Variants in MPDZ observed in about 807,000 individuals in gnomAD.
MPDZ encodes the protein multiple PDZ domain protein.
Under a neutral mutation model 239.1 loss-of-function variants are expected in MPDZ, and 234 were observed. The ratio of observed to expected loss-of-function variants is 0.98; its 90% CI spans 0.88 to 1.09. The LOEUF (loss-of-function observed/expected upper bound fraction) is 1.09. Among genes scored for constraint, MPDZ ranks in the 50% least tolerant of loss-of-function variants. The pLI, the probability that MPDZ is intolerant of heterozygous loss-of-function variation, is 0.00. For missense variants in MPDZ, 3,175 were observed against 2,510.0 expected, an observed-to-expected ratio of 1.26 and a Z score of -5.66; for synonymous variants, 1,048 against 881.3, an observed-to-expected ratio of 1.19 and a Z score of -3.35.
chr9:13,246,919 T>C (rs984408331), intron 3 of MPDZ, among the ~76,000 whole-genome samples: 1 of 152,250 alleles, frequency 6.6e-6, no homozygotes, highest in Non-Finnish European at 1.5e-5. Context: ...TTTTAAAGCA[T>C]AGAAATGGTG....
chr9:13,236,560 C>T (rs982388907), intron 3 of MPDZ, among the ~76,000 whole-genome samples: 5 of 151,578 alleles, frequency 3.3e-5, no homozygotes, highest in Admixed American at 6.6e-5. Flanking sequence ...GGATTACAGG[C>T]GTGAGCCACT....
chr9:13,278,654 G>C (rs1028399705), intron 1 of MPDZ, among the ~76,000 whole-genome samples: 32 of 152,286 alleles, frequency 2.1e-4, no homozygotes, highest in African/African-American at 7.5e-4. Flanking sequence ...ATCAGCGCGG[G>C]GGGTGAGGAG....
Position 13,123,958 on chromosome 9 carries a change from T to G in MPDZ, c.4808-660A>C, listed in dbSNP as rs532563918. On this transcript the variant is annotated intron_variant, in intron 35 of 46. Transcript: ENST00000319217. ...ATGTTCAGAAATGAATAGATAAGAA[T>G]AGATTATGAGAAAAGGGGAATATAA... Among the ~76,000 whole-genome samples the G allele has an allele frequency of 5.9e-5, 9 of 152,320 alleles. No homozygotes were observed. In the South Asian group the frequency reaches 6.2e-4, roughly 11 times the overall value.
intron 10 of MPDZ, among the ~76,000 whole-genome samples, chr9:13,209,032 A>G (rs1033384296): frequency 3.3e-5 from 5 of 152,160 alleles, no homozygotes; most frequent in African/African-American, 1.2e-4. Flanking sequence ...TGGTCTGCGC[A>G]TGGCCAGATC....
chr9:13,201,936 C>T lies in MPDZ; in HGVS notation c.1546+3100G>A, dbSNP rs1016046467. Among the ~76,000 whole-genome samples, 6 of 152,206 alleles carry T rather than the reference C, an allele frequency of 3.9e-5. No homozygotes were observed. In the South Asian group the frequency reaches 1.0e-3, roughly 26 times the overall value. On this transcript the variant is annotated intron_variant, in intron 12 of 46. Transcript: ENST00000319217. ...ACAGGATTATTCTGAATTTTCTGTA[C>T]AACATTTCATAGATCTTCAATTCTT... is the stretch of plus-strand genomic sequence containing the variant.
rs112154590 is a variant in MPDZ, at chr9:13,203,435, C to A, written c.1546+1601G>T. On this transcript the variant is annotated intron_variant, in intron 12 of 46. Transcript: ENST00000319217. ...CAATTCATATTCAACCAACCTTTAG[C>A]AGAACAACTCTCCATTCTCACCTTC... is the stretch of plus-strand genomic sequence containing the variant. Among the ~76,000 whole-genome samples, 766 of 152,234 alleles carry A rather than the reference C, an allele frequency of 5.0e-3. 6 individuals carry two copies. Among genetic ancestry groups the A allele is most frequent in the African/African-American group, 0.018 (735 of 41,558 alleles).
At chr9:13,198,056 T>C (rs1169453313) in intron 12 of MPDZ, among the ~76,000 whole-genome samples, 1 of 152,128 alleles carries the variant, frequency 6.6e-6, no homozygotes, top group Non-Finnish European at 1.5e-5. Context: ...GCAATGAACA[T>C]AGGGGTACGG....
intron 25 of MPDZ, among the ~76,000 whole-genome samples, chr9:13,149,969 CT>C (rs1438701872): frequency 6.6e-6 from 1 of 151,448 alleles, no homozygotes; most frequent in Non-Finnish European, 1.5e-5. Context: ...CTAAAAAAGA[CT>C]CACTTGGAAA....
rs544590605 is a variant in MPDZ at position 13,147,565 on chromosome 9, T to A, written c.3724A>T (p.Ile1242Phe). 6.2e-7 allele frequency: 1 copy of A among 1,612,040 alleles called. No individual in the cohort carries two copies. The highest frequency in any genetic ancestry group is 1.3e-5 in the African/African-American group (1 of 74,920). Residue 1242 changes from isoleucine (I) to phenylalanine (F), a missense_variant, in exon 26 of 47, where the codon ATT (isoleucine) becomes TTT (phenylalanine). Transcript: ENST00000319217. ...TCGCTTACCCTTGGTCTGTTTATAATGCTCTGTACCATAAAGACTACAGGG... is the reference window on the plus strand; with the variant it reads ...TCGCTTACCCTTGGTCTGTTTATAAAGCTCTGTACCATAAAGACTACAGGG... ...GNPVVFMVQS[I>F]INRPRKSPLP... is the part of the protein sequence containing the mutation.
Position 13,222,111 on chromosome 9 carries a change from A to T in MPDZ, c.747+122T>A, listed in dbSNP as rs1163736883. The T allele has an allele frequency of 1.9e-5, 13 of 672,206 alleles. No homozygotes were observed. The East Asian group carries it at 3.4e-4, about 18-fold the overall frequency. The allele number at this position is 672,206 out of a possible 1,614,324, so 41.6% of individuals were successfully genotyped here. On this transcript the variant is annotated intron_variant, in intron 6 of 46. Transcript: ENST00000319217. ...CAAATATTCCAGGCTGGGGAAAAAT[A>T]AAAGAATAGTCAGACAAAAACTCAA...
intron 19 of MPDZ, 90 bp from the exon 20 acceptor site, chr9:13,176,507 T>C: frequency 9.6e-7 from 1 of 1,042,412 alleles, no homozygotes; most frequent in Non-Finnish European, 1.3e-6. Context: ...GAACAACTAT[T>C]TAGTGAAATG....
In MPDZ at chr9:13,206,107, TAAA is replaced by T. The variant is rs368811859; in HGVS notation, c.1291-11_1291-9del. The T allele has an allele frequency of 3.6e-4, 510 of 1,407,620 alleles. No homozygotes were observed. Among genetic ancestry groups the T allele is most frequent in the Admixed American group, 1.0e-3 (40 of 39,532 alleles). 87.2% of individuals were successfully genotyped at this position (1,407,620 alleles called of 1,614,324 possible). On this transcript the variant is annotated splice_polypyrimidine_tract_variant and intron_variant, in intron 10 of 46. Coordinates refer to ENST00000319217, the MANE Select transcript of MPDZ (RefSeq NM_001378778.1). ...AAGGTTTGTGCCATCTACCTGTGATTAAAAAAAAAAAAAAGCATGTTACATGTT... is the reference window on the plus strand; with the variant it reads ...AAGGTTTGTGCCATCTACCTGTGATTAAAAAAAAAAAGCATGTTACATGTT...
chr9:13,163,513 C>T (rs1027314722), intron 22 of MPDZ, among the ~76,000 whole-genome samples: 3 of 152,136 alleles, frequency 2.0e-5, no homozygotes, highest in Admixed American at 6.6e-5. Context: ...GATGCTGACT[C>T]CTGCTGTAAT....
chr9:13,217,277 C>A lies in MPDZ; in HGVS notation c.1104G>T (p.Gln368His). 6.3e-7 allele frequency: 1 copy of A among 1,594,606 alleles called. No homozygotes were observed. Among genetic ancestry groups the A allele is most frequent in the Non-Finnish European group, 8.6e-7 (1 of 1,168,760 alleles). Residue 368 changes from glutamine to histidine, a missense_variant, in exon 9 of 47, where the codon CAG (glutamine) becomes CAT (histidine). Transcript: ENST00000319217. ...TPELRVDAST[Q>H]KGEESETFDV... Reference sequence around the variant, plus strand: ...CAAATGTCTCACTTTCTTCACCTTTCTGAGTAGAAGCATCAACCTAAAATA... The same window carrying A: ...CAAATGTCTCACTTTCTTCACCTTTATGAGTAGAAGCATCAACCTAAAATA...
At chr9:13,207,057 G>T (rs1269071005) in intron 10 of MPDZ, among the ~76,000 whole-genome samples, 2 of 152,044 alleles carry the variant, frequency 1.3e-5, no homozygotes, top group African/African-American at 4.8e-5. Context: ...GAACTATGCA[G>T]GATTAAAAGG....
At chr9:13,224,946 C>T (rs1960052995) in intron 3 of MPDZ, among the ~76,000 whole-genome samples, 1 of 152,118 alleles carries the variant, frequency 6.6e-6, no homozygotes, top group African/African-American at 2.4e-5. Context: ...TTTCCCCTCT[C>T]AGAATTTCCT....
rs1956933459 is a variant in MPDZ at position 13,205,915 on chromosome 9, C to T, written c.1474+1G>A. ...TAAAAACCAGATTAACATAGGATTA[C>T]CTTTGATTATGCTGGCATTAACAGG... On this transcript the variant is annotated splice_donor_variant, in intron 11 of 46. Transcript: ENST00000319217. LOFTEE classifies it high-confidence loss of function. 1.3e-6 allele frequency: 2 copies of T among 1,584,102 alleles called. No homozygotes were observed. Among genetic ancestry groups the T allele is most frequent in the African/African-American group, 1.4e-5 (1 of 73,568 alleles).
intron 1 of MPDZ, among the ~76,000 whole-genome samples, chr9:13,263,029 T>G (rs547215713): frequency 3.9e-5 from 6 of 152,236 alleles, no homozygotes; most frequent in Middle Eastern, 3.4e-3. Context: ...TCTCTTTTTT[T>G]TGTGTAAGGA....
chr9:13,179,680 CTA>C (rs2134331180), intron 19 of MPDZ, among the ~76,000 whole-genome samples: 1 of 152,162 alleles, frequency 6.6e-6, no homozygotes, highest in Non-Finnish European at 1.5e-5. Flanking sequence ...TTTCAAAAGT[CTA>C]TATTAATATG....
Sources: gnomAD v4.1 joint callset for allele counts (sites outside exome capture counted in the v4.1 genomes callset) on GRCh38, gnomAD v4.1.1 for gene constraint, MANE v1.5 for transcripts, NCBI Gene and HGNC (gene_info 2026-07-23, HGNC 2026-07-21) for gene names.